CAPN5: variants seen among roughly 807,000 people sequenced by gnomAD.
The protein encoded by CAPN5 is calpain 5.
In CAPN5, 54 loss-of-function variants were observed where a neutral mutation model predicts 73.0. The observed-to-expected ratio is 0.74, with a 90% CI of 0.59 to 0.93. The LOEUF is 0.93. CAPN5 is among the 40% of genes least tolerant of loss of function. CAPN5 has a pLI of 0.00. For synonymous variants in CAPN5, 335 were observed against 356.9 expected, an observed-to-expected ratio of 0.94 and a Z score of 0.69; for missense variants, 785 against 882.9, an observed-to-expected ratio of 0.89 and a Z score of 1.41.
intron 3 of CAPN5, 147 bp downstream of exon 3, chr11:77,093,960 C>A: frequency 1.8e-6 from 2 of 1,142,338 alleles, no homozygotes; most frequent in Non-Finnish European, 2.4e-6. Context: ...CAGTACTGGC[C>A]GAGCGTCGGA....
chr11:77,099,126 A>C (rs1950252551), intron 3 of CAPN5, among the ~76,000 whole-genome samples: 2 of 24,454 alleles, frequency 8.2e-5, no homozygotes, highest in South Asian at 1.6e-3. Context: ...CACATCTCAG[A>C]CGATGGGCGG....
intron 2 of CAPN5, among the ~76,000 whole-genome samples, chr11:77,093,286 G>A (rs1055581773): frequency 7.9e-5 from 12 of 152,210 alleles, no homozygotes; most frequent in East Asian, 5.8e-4. Flanking sequence ...GTGGGCTGGC[G>A]GGGGTGGGCA....
chr11:77,109,269 T>C (rs1250720607), intron 3 of CAPN5, among the ~76,000 whole-genome samples: 5 of 152,228 alleles, frequency 3.3e-5, no homozygotes, highest in Admixed American at 3.3e-4. Context: ...TCCTTTCTCA[T>C]TTATGAGCAG....
chr11:77,123,939 A>G lies in CAPN5; in HGVS notation c.*69A>G, dbSNP rs1950549625. On this transcript the variant is annotated 3_prime_UTR_variant, in exon 13 of 13. Coordinates refer to ENST00000648180, the MANE Select transcript of CAPN5 (RefSeq NM_004055.5). Reference sequence around the variant, plus strand: ...GCATGTCCCCACTGGGCCTGAGTCTAGCCTGGGAGCCAGGATACTGGGGTC... The same window carrying G: ...GCATGTCCCCACTGGGCCTGAGTCTGGCCTGGGAGCCAGGATACTGGGGTC... 1 of 1,470,734 alleles carries G rather than the reference A, an allele frequency of 6.8e-7. No homozygotes were observed. The allele number at this position is 1,470,734 out of a possible 1,614,324, so 91.1% of individuals were successfully genotyped here. A position where few individuals can be genotyped will look rare whatever the true frequency, so the allele number is the denominator to read the frequency against.
intron 1 of CAPN5, among the ~76,000 whole-genome samples, chr11:77,071,397 G>C (rs1949905130): frequency 6.6e-6 from 1 of 152,202 alleles, no homozygotes; most frequent in Non-Finnish European, 1.5e-5. Flanking sequence ...GGCCTTTCAG[G>C]GTGGAGTGCA....
At chr11:77,117,847 T>G (rs1950483589) in intron 7 of CAPN5, among the ~76,000 whole-genome samples, 1 of 152,248 alleles carries the variant, frequency 6.6e-6, no homozygotes. Flanking sequence ...CGTTTGCCAG[T>G]GCGTGCTCTG....
intron 2 of CAPN5, among the ~76,000 whole-genome samples, chr11:77,091,719 C>A (rs1555036559): frequency 6.6e-6 from 1 of 152,152 alleles, no homozygotes; most frequent in Admixed American, 6.5e-5. Context: ...CCAGGCCCCA[C>A]CCCCAGCTCA....
Position 77,115,414 on chromosome 11 carries a change from TG to T in CAPN5, c.721del (p.Glu241ArgfsTer9), listed in dbSNP as rs782425784. The part of the protein sequence containing the change: ...ASIKAVTAAD[M>X]EARLACGLVK... ...CCACAGGCAGTGACAGCAGCTGACA[TG>T]GAGGCCCGCCTGGCGTGCGGCCTGG... On this transcript the variant is annotated frameshift_variant, in exon 6 of 13. Coordinates refer to ENST00000648180, the MANE Select transcript of CAPN5 (RefSeq NM_004055.5). LOFTEE classifies it high-confidence loss of function. The T allele has an allele frequency of 5.9e-5, 94 of 1,604,136 alleles. No individual in the cohort carries two copies. The highest frequency in any genetic ancestry group is 7.7e-5 in the Non-Finnish European group (90 of 1,172,946).
intron 10 of CAPN5, 58 bp downstream of exon 10, chr11:77,120,967 A>G: frequency 6.6e-7 from 1 of 1,504,508 alleles, no homozygotes; most frequent in South Asian, 1.2e-5. Flanking sequence ...CACTGGGCCA[A>G]CCAGGAACCT....
At chr11:77,096,189 TCA>T (rs1190651641) in intron 3 of CAPN5, among the ~76,000 whole-genome samples, 1 of 151,976 alleles carries the variant, frequency 6.6e-6, no homozygotes, top group East Asian at 1.9e-4. Flanking sequence ...CCTCCCCACC[TCA>T]CACTTGGGGA....
chr11:77,072,860 G>A (rs1341705986), intron 1 of CAPN5: 2 of 332,650 alleles, frequency 6.0e-6, no homozygotes, highest in African/African-American at 4.3e-5. Flanking sequence ...GAAAAATAGT[G>A]TGTAGTGTTC....
At chr11:77,086,019 G>A (rs1289497008) in intron 2 of CAPN5, among the ~76,000 whole-genome samples, 1 of 152,226 alleles carries the variant, frequency 6.6e-6, no homozygotes, top group Admixed American at 6.5e-5. Context: ...TTTGCCCAAA[G>A]GGCCAGGTGG....
chr11:77,097,489 T>TA (rs1591127763), intron 3 of CAPN5, among the ~76,000 whole-genome samples: 9 of 135,406 alleles, frequency 6.6e-5, no homozygotes, highest in East Asian at 2.0e-4. Flanking sequence ...TTTTTTTTTT[T>TA]ATTGATAATT....
rs782677539 is a variant in CAPN5, at chr11:77,119,075, A to G, written c.1213A>G (p.Ile405Val). 1.4e-5 allele frequency: 22 copies of G among 1,614,010 alleles called. No individual in the cohort carries two copies. Among genetic ancestry groups the G allele is most frequent in the Non-Finnish European group, 1.8e-5 (21 of 1,180,022 alleles). Residue 405 changes from isoleucine to valine, a missense_variant, in exon 9 of 13, where the codon ATC becomes GTC. By Grantham distance (29) the Ile-to-Val change is conservative (BLOSUM62 3). Transcript: ENST00000648180. ...KKPEDEVLICIQQRPKRSTRR... is the reference protein window; with the variant it reads ...KKPEDEVLICVQQRPKRSTRR... ...GCCAGAAGATGAAGTCCTGATCTGC[A>G]TCCAGCAGCGGCCAAAGCGGTCTAC...
chr11:77,114,554 G>A lies in CAPN5; in HGVS notation c.699+120G>A, dbSNP rs565335169. On this transcript the variant is annotated intron_variant, in intron 5 of 12. Coordinates refer to ENST00000648180, the MANE Select transcript of CAPN5 (RefSeq NM_004055.5). ...CCTACGTATTCAGACCCTCAGCCTC[G>A]TGGGGGAGGGGAGAAGTTGGAAGGT... is the stretch of plus-strand genomic sequence containing the variant. 37 of 910,008 alleles carry A rather than the reference G, an allele frequency of 4.1e-5. 1 individual carries two copies. Among genetic ancestry groups the A allele is most frequent in the South Asian group, 3.7e-4 (25 of 67,790 alleles). The allele number at this position is 910,008 out of a possible 1,614,324, so 56.4% of individuals were successfully genotyped here.
intron 3 of CAPN5, chr11:77,102,862 A>G: frequency 1.2e-6 from 2 of 1,603,688 alleles, no homozygotes; most frequent in Non-Finnish European, 1.7e-6. Context: ...AGGCCGCAGC[A>G]GCCGCAGCTG....
At chr11:77,073,774 TAGAC>T (rs1417248866) in intron 1 of CAPN5, among the ~76,000 whole-genome samples, 5 of 151,966 alleles carry the variant, frequency 3.3e-5, no homozygotes, top group Non-Finnish European at 5.9e-5. Context: ...GGGGAGGAAA[TAGAC>T]AGGATTTCCC....
At chr11:77,090,402 G>A (rs904939108) in intron 2 of CAPN5, among the ~76,000 whole-genome samples, 18 of 152,234 alleles carry the variant, frequency 1.2e-4, no homozygotes, top group African/African-American at 4.3e-4. Context: ...TCTGGGGCCA[G>A]AGCCCTGATC....
At chr11:77,100,681 T>G (rs1555038696) in intron 3 of CAPN5, among the ~76,000 whole-genome samples, 1 of 152,136 alleles carries the variant, frequency 6.6e-6, no homozygotes, top group Admixed American at 6.5e-5. Context: ...CTCAGCCCAC[T>G]GTGTTGCTGT....
Sources: allele counts gnomAD v4.1 joint callset (sites outside exome capture counted in the v4.1 genomes callset), GRCh38; gene constraint gnomAD v4.1.1; transcripts MANE v1.5; gene names NCBI Gene and HGNC (gene_info 2026-07-23, HGNC 2026-07-21).